Variants in DGKB observed in about 807,000 individuals in gnomAD.
The protein encoded by DGKB is diacylglycerol kinase beta, also known as 90 kDa diacylglycerol kinase.
DGKB carries 67 observed loss-of-function variants against 114.3 expected under a neutral mutation model. The observed-to-expected ratio is 0.59, with a 90% CI of 0.48 to 0.72. DGKB has a LOEUF of 0.72. Among genes scored for constraint, DGKB ranks in the 30% least tolerant of loss-of-function variants. DGKB has a pLI of 0.00. For missense variants in DGKB, 907 were observed against 975.2 expected (o/e 0.93, Z 0.93); for synonymous variants, 398 against 323.1 (o/e 1.23, Z -2.49).
chr7:14,689,998 T>C (rs1449856098), intron 9 of DGKB, among the ~76,000 whole-genome samples: 1 of 152,180 alleles, frequency 6.6e-6, no homozygotes, highest in East Asian at 1.9e-4. Context: ...GACCAAAGTA[T>C]AAACCATCCA....
At chr7:14,953,139 T>A (rs574597896) in intron 1 of DGKB, among the ~76,000 whole-genome samples, 1 of 152,038 alleles carries the variant, frequency 6.6e-6, no homozygotes, top group Admixed American at 6.6e-5. Flanking sequence ...ATTTCTGACA[T>A]TGGATTTGCC....
chr7:14,522,625 A>C (rs1330402265), intron 20 of DGKB, among the ~76,000 whole-genome samples: 2 of 152,104 alleles, frequency 1.3e-5, no homozygotes, highest in Non-Finnish European at 2.9e-5. Context: ...GGTGGATGGG[A>C]GCATGCCCAG....
intron 1 of DGKB, among the ~76,000 whole-genome samples, chr7:14,938,603 C>G (rs1217984703): frequency 2.1e-5 from 3 of 140,708 alleles, no homozygotes; most frequent in Non-Finnish European, 4.7e-5. Context: ...TATTATTATT[C>G]TTTTCTTTCT....
intron 2 of DGKB, among the ~76,000 whole-genome samples, chr7:14,814,518 T>G (rs1463154897): frequency 6.6e-6 from 1 of 152,172 alleles, no homozygotes; most frequent in African/African-American, 2.4e-5. Flanking sequence ...ATAAGAATTT[T>G]TTAAATTAAT....
chr7:14,877,694 A>G (rs150499186), intron 1 of DGKB, among the ~76,000 whole-genome samples: 124 of 152,360 alleles, frequency 8.1e-4, no homozygotes, highest in African/African-American at 2.9e-3. Flanking sequence ...AATGTTCTGC[A>G]GAAAACTGAG....
intron 23 of DGKB, among the ~76,000 whole-genome samples, chr7:14,271,165 T>G (rs1308664105): frequency 2.6e-5 from 4 of 152,306 alleles, no homozygotes; most frequent in Non-Finnish European, 5.9e-5. Context: ...AAGACTCATA[T>G]CTTTTTCAAT....
At chr7:14,280,528 C>A (rs1194430094) in intron 23 of DGKB, among the ~76,000 whole-genome samples, 1 of 147,954 alleles carries the variant, frequency 6.8e-6, no homozygotes, top group African/African-American at 2.5e-5. Flanking sequence ...AGATACTCCT[C>A]GAGAAGAGCA....
At chr7:14,158,699 T>G (rs562296001) in intron 25 of DGKB, among the ~76,000 whole-genome samples, 1 of 152,298 alleles carries the variant, frequency 6.6e-6, no homozygotes, top group Admixed American at 6.5e-5. Flanking sequence ...TCTAACAATG[T>G]GCTTAAGGCA....
At chr7:14,853,967 T>C (rs1182808533) in intron 1 of DGKB, among the ~76,000 whole-genome samples, 1 of 151,936 alleles carries the variant, frequency 6.6e-6, no homozygotes, top group Non-Finnish European at 1.5e-5. Flanking sequence ...CTTTTATCCC[T>C]CTGGTCATTG....
chr7:14,474,297 C>G (rs904548448), intron 21 of DGKB, among the ~76,000 whole-genome samples: 7 of 152,106 alleles, frequency 4.6e-5, no homozygotes, highest in African/African-American at 1.4e-4. Context: ...TCTCTCTTTG[C>G]CTGCTGCCAT....
chr7:14,618,800 A>G (rs1334286568), intron 15 of DGKB, among the ~76,000 whole-genome samples: 1 of 151,514 alleles, frequency 6.6e-6, no homozygotes. Context: ...ACTATGATTA[A>G]TAGTCTTCTT....
intron 1 of DGKB, among the ~76,000 whole-genome samples, chr7:14,874,250 T>A (rs1331309494): frequency 6.6e-6 from 1 of 152,056 alleles, no homozygotes; most frequent in Non-Finnish European, 1.5e-5. Context: ...CTTTCTCACT[T>A]TTCTTTAATT....
intron 21 of DGKB, among the ~76,000 whole-genome samples, chr7:14,356,694 G>T (rs567232748): frequency 1.3e-5 from 2 of 152,172 alleles, no homozygotes; most frequent in Admixed American, 6.5e-5. Flanking sequence ...TGATGTTAGG[G>T]TGTGGATTTT....
At chr7:14,426,916 C>T (rs1195548331) in intron 21 of DGKB, among the ~76,000 whole-genome samples, 2 of 151,804 alleles carry the variant, frequency 1.3e-5, no homozygotes, top group African/African-American at 2.4e-5. Flanking sequence ...AAACATTAGC[C>T]AGGCACGGTG....
At chr7:14,525,674 C>T (rs1369697090) in intron 20 of DGKB, among the ~76,000 whole-genome samples, 1 of 151,434 alleles carries the variant, frequency 6.6e-6, no homozygotes, top group African/African-American at 2.4e-5. Context: ...AAATACTTGA[C>T]AAGTAGTCAA....
chr7:14,482,190 C>T (rs778850236), intron 20 of DGKB, among the ~76,000 whole-genome samples: 1 of 151,720 alleles, frequency 6.6e-6, no homozygotes, highest in Non-Finnish European at 1.5e-5. Context: ...TGTTCTAATA[C>T]CTGGAAGATA....
intron 6 of DGKB, among the ~76,000 whole-genome samples, chr7:14,708,966 G>A (rs1329301963): frequency 5.3e-5 from 8 of 150,888 alleles, no homozygotes; most frequent in East Asian, 2.0e-4. Flanking sequence ...TTGACAAATC[G>A]GATCTAATTA....
intron 21 of DGKB, among the ~76,000 whole-genome samples, chr7:14,476,950 T>C (rs571065760): frequency 6.6e-6 from 1 of 151,912 alleles, no homozygotes; most frequent in African/African-American, 2.4e-5. Context: ...CATGGTTTCC[T>C]CATGTTGGTC....
chr7:14,500,828 G>A (rs1231129606), intron 20 of DGKB, among the ~76,000 whole-genome samples: 2 of 151,728 alleles, frequency 1.3e-5, no homozygotes, highest in Non-Finnish European at 2.9e-5. Flanking sequence ...CTGTTGTATA[G>A]CGGTGAAATA....
Sources: allele counts gnomAD v4.1 joint callset (sites outside exome capture counted in the v4.1 genomes callset), GRCh38; gene constraint gnomAD v4.1.1; transcripts MANE v1.5; gene names NCBI Gene and HGNC (gene_info 2026-07-23, HGNC 2026-07-21).